The following XIRP2 variants were observed in gnomAD, a reference collection of about 807,000 sequenced individuals.
The protein encoded by XIRP2 is xin actin binding repeat containing 2, also known as xin actin-binding repeat-containing protein 2.
Under a neutral mutation model 277.0 loss-of-function variants are expected in XIRP2, and 236 were observed. That is an observed-to-expected ratio of 0.85 (90% CI 0.77 to 0.95). The LOEUF (loss-of-function observed/expected upper bound fraction) is 0.95. XIRP2 is among the 40% of genes least tolerant of loss of function. The pLI is 0.00. For synonymous variants in XIRP2, 1,490 were observed against 1,416.5 expected, an observed-to-expected ratio of 1.05 and a Z score of -1.17; for missense variants, 4,640 against 4,157.5, an observed-to-expected ratio of 1.12 and a Z score of -3.19.
At chr2:167,083,302 T>C (rs1285544729) in intron 2 of XIRP2, among the ~76,000 whole-genome samples, 1 of 152,218 alleles carries the variant, frequency 6.6e-6, no homozygotes, top group African/African-American at 2.4e-5. Flanking sequence ...CATTGATCTA[T>C]ATCTCTGTTT....
chr2:166,938,429 C>T (rs143414416), intron 2 of XIRP2, among the ~76,000 whole-genome samples: 1,602 of 152,138 alleles, frequency 0.011, 38 homozygotes, highest in African/African-American at 0.037. Flanking sequence ...TAATCCTGAG[C>T]TCTAGTTTGA....
At chr2:167,011,634 T>C (rs1298555514) in intron 2 of XIRP2, among the ~76,000 whole-genome samples, 6 of 151,802 alleles carry the variant, frequency 4.0e-5, no homozygotes, top group East Asian at 2.0e-4. Context: ...TTGGAATAGT[T>C]TCAGAAGGAA....
chr2:167,182,541 A>T (rs1011807829), intron 3 of XIRP2, among the ~76,000 whole-genome samples: 2 of 152,174 alleles, frequency 1.3e-5, no homozygotes, highest in Non-Finnish European at 2.9e-5. Flanking sequence ...CTTGTATAGA[A>T]CTTTTAGATT....
intron 10 of XIRP2, among the ~76,000 whole-genome samples, chr2:167,255,473 C>T (rs750455407): frequency 2.6e-5 from 4 of 151,692 alleles, no homozygotes; most frequent in African/African-American, 7.3e-5. Context: ...ACATTCAAGC[C>T]GTCACCAAGT....
At chr2:167,185,114 G>T (rs1227294391) in intron 3 of XIRP2, among the ~76,000 whole-genome samples, 1 of 152,058 alleles carries the variant, frequency 6.6e-6, no homozygotes, top group African/African-American at 2.4e-5. Context: ...TCAGAATCTA[G>T]GTCCTGATGT....
At position 167,155,035 on chromosome 2, in the gene XIRP2, G is replaced by C. The variant is rs1177421940; in HGVS notation, c.562+18973G>C. On this transcript the variant is annotated intron_variant, in intron 3 of 10. Coordinates refer to ENST00000409195, the MANE Select transcript of XIRP2 (RefSeq NM_152381.6). ...TTCCTCAACACATACACCCTCCCAA[G>C]ACTAAACCAGGAAGAAGTTGAATCT... Among the ~76,000 whole-genome samples the C allele has an allele frequency of 1.7e-4, 26 of 151,758 alleles. 1 individual carries two copies. Among genetic ancestry groups the C allele is most frequent in the Admixed American group, 5.2e-4 (8 of 15,262 alleles).
intron 2 of XIRP2, among the ~76,000 whole-genome samples, chr2:166,935,829 T>C (rs1264007949): frequency 6.6e-6 from 1 of 152,238 alleles, no homozygotes; most frequent in East Asian, 1.9e-4. Context: ...ACATTTGGGT[T>C]GGTTAAAAGT....
chr2:167,078,517 A>T (rs1192487463), intron 2 of XIRP2, among the ~76,000 whole-genome samples: 1 of 152,060 alleles, frequency 6.6e-6, no homozygotes, highest in Admixed American at 6.6e-5. Context: ...AGGTTGGTGC[A>T]AAAGTAATTG....
At chr2:167,033,279 G>A (rs1378042137) in intron 2 of XIRP2, among the ~76,000 whole-genome samples, 1 of 151,986 alleles carries the variant, frequency 6.6e-6, no homozygotes, top group Non-Finnish European at 1.5e-5. Flanking sequence ...ATCACACACT[G>A]GGCCTGTCAG....
At chr2:167,161,650 G>C (rs976132833) in intron 3 of XIRP2, among the ~76,000 whole-genome samples, 2 of 152,178 alleles carry the variant, frequency 1.3e-5, no homozygotes, top group Admixed American at 6.5e-5. Context: ...CCAGCCCCAA[G>C]AAACCACTTT....
chr2:166,926,596 T>C (rs1685194081), intron 2 of XIRP2, among the ~76,000 whole-genome samples: 1 of 152,130 alleles, frequency 6.6e-6, no homozygotes, highest in Non-Finnish European at 1.5e-5. Flanking sequence ...ATCTCCCAGA[T>C]TGACATTAAC....
chr2:166,978,508 A>C (rs937388387), intron 2 of XIRP2, among the ~76,000 whole-genome samples: 1 of 152,172 alleles, frequency 6.6e-6, no homozygotes, highest in Admixed American at 6.5e-5. Context: ...AACCATGAAC[A>C]TAGTATATCG....
In XIRP2 at chr2:167,243,203, C is replaced by A; in HGVS notation, c.1811C>A (p.Ala604Asp). 2 of 1,614,084 alleles carry A rather than the reference C, an allele frequency of 1.2e-6. No homozygotes were observed. The highest frequency in any genetic ancestry group is 1.1e-5 in the South Asian group (1 of 91,076). The part of the protein sequence containing the change: ...PDEGDISRGI[A>D]DQEIIAGGDV... ...GAAGGTGATATTTCCAGGGGCATTG[C>A]TGATCAAGAAATCATTGCTGGTGGT... The change falls in exon 9 of 11, where the codon GCT becomes GAT. Residue 604 changes from alanine to aspartate, a missense_variant. Transcript: ENST00000409195.
In XIRP2 at chr2:167,244,969, CA is replaced by C. The variant is rs758161627; in HGVS notation, c.3579del (p.Ala1194LeufsTer7). 1 of 1,613,162 alleles carries C rather than the reference CA, an allele frequency of 6.2e-7. No individual in the cohort carries two copies. Among genetic ancestry groups the C allele is most frequent in the South Asian group, 1.1e-5 (1 of 90,936 alleles). ...AATCAAGCCTGTTGAAATGGATATA[CA>C]AGCTGGAGATGTTTCCAGCATGAGG... Reference protein sequence around the residue: ...KEIKPVEMDIQAGDVSSMRYK... With the variant: ...KEIKPVEMDIXAGDVSSMRYK... On this transcript the variant is annotated frameshift_variant, in exon 9 of 11. Transcript: ENST00000409195. LOFTEE classifies it high-confidence loss of function.
chr2:166,934,264 T>C (rs748432562), intron 2 of XIRP2, among the ~76,000 whole-genome samples: 2 of 141,538 alleles, frequency 1.4e-5, no homozygotes, highest in Admixed American at 7.1e-5. Context: ...CAAGCTACCA[T>C]AATTATATGC....
chr2:166,898,324 A>G (rs914906825), intron 1 of XIRP2, among the ~76,000 whole-genome samples: 1 of 152,132 alleles, frequency 6.6e-6, no homozygotes, highest in African/African-American at 2.4e-5. Flanking sequence ...AAACTCACAC[A>G]GGTATGTTGC....
rs549851138 is a variant in XIRP2, at chr2:167,031,626, T to C, written c.409-104283T>C. On this transcript the variant is annotated intron_variant, in intron 2 of 10. Transcript: ENST00000409195. ...GCAAAGTTTCAGGATGCAAAATCAA[T>C]GTGCAGAAATCACAAGCATTCCTTT... is the stretch of plus-strand genomic sequence containing the variant. 3.9e-5 allele frequency among the ~76,000 whole-genome samples: 6 copies of C among 152,256 alleles called. No homozygotes were observed. The East Asian group carries it at 9.7e-4, about 25-fold the overall frequency.
At chr2:167,081,290 AC>A (rs1214377515) in intron 2 of XIRP2, among the ~76,000 whole-genome samples, 1 of 152,022 alleles carries the variant, frequency 6.6e-6, no homozygotes, top group Non-Finnish European at 1.5e-5. Context: ...ACACAGCAAG[AC>A]CCTCATGTCT....
At chr2:167,135,835 C>T in intron 2 of XIRP2, 74 bp from the exon 3 acceptor site, 1 of 1,358,992 alleles carries the variant, frequency 7.4e-7, no homozygotes, top group Non-Finnish European at 9.7e-7. Context: ...TTTCTGCCTT[C>T]TAACCCCCCT....
Sources: allele counts gnomAD v4.1 joint callset (sites outside exome capture counted in the v4.1 genomes callset), GRCh38; gene constraint gnomAD v4.1.1; transcripts MANE v1.5; gene names NCBI Gene and HGNC (gene_info 2026-07-23, HGNC 2026-07-21).